Variants in CSTPP1 observed in about 807,000 individuals in gnomAD.
The protein encoded by CSTPP1 is centriolar satellite-associated tubulin polyglutamylase complex regulator 1, also known as UPF0705 protein C11orf49.
the CSTPP1 span, among the ~76,000 whole-genome samples, chr11:46,950,860 C>T: frequency 1.3e-5 from 2 of 152,174 alleles, no homozygotes; most frequent in Admixed American, 1.3e-4. Context: ...AACTCCTGAC[C>T]TCATGAGCCA....
At chr11:46,984,567 A>G in the CSTPP1 span, among the ~76,000 whole-genome samples, 1 of 147,452 alleles carries the variant, frequency 6.8e-6, no homozygotes, top group Non-Finnish European at 1.5e-5. Flanking sequence ...TATAAAGTCT[A>G]TTTTCTTGAA....
chr11:46,969,774 T>G, the CSTPP1 span, among the ~76,000 whole-genome samples: 1 of 151,292 alleles, frequency 6.6e-6, no homozygotes, highest in African/African-American at 2.4e-5. Flanking sequence ...AAACATAATG[T>G]TTTTTTTTGA....
At chr11:47,045,401 A>G in the CSTPP1 span, among the ~76,000 whole-genome samples, 2 of 152,252 alleles carry the variant, frequency 1.3e-5, no homozygotes, top group East Asian at 3.8e-4. Flanking sequence ...AACTTGACCT[A>G]AACTAGTTCA....
chr11:47,060,614 A>G, the CSTPP1 span, among the ~76,000 whole-genome samples: 2 of 152,164 alleles, frequency 1.3e-5, no homozygotes, highest in East Asian at 3.8e-4. Context: ...ACTAAAAAGC[A>G]TAAGAATGAT....
the CSTPP1 span, among the ~76,000 whole-genome samples, chr11:47,036,213 TAA>T: frequency 2.1e-5 from 1 of 48,660 alleles, no homozygotes; most frequent in Non-Finnish European, 4.6e-5. Context: ...TATATTATAT[TAA>T]TATATAATAT....
At chr11:47,074,481 C>T in the CSTPP1 span, among the ~76,000 whole-genome samples, 1 of 119,200 alleles carries the variant, frequency 8.4e-6, no homozygotes, top group Non-Finnish European at 1.7e-5. Flanking sequence ...GCCTGGGCAA[C>T]AGAGCAAGAT....
the CSTPP1 span, among the ~76,000 whole-genome samples, chr11:47,058,576 A>G: frequency 6.6e-6 from 1 of 152,234 alleles, no homozygotes; most frequent in African/African-American, 2.4e-5. Flanking sequence ...GAATTTCTAG[A>G]CATGAAAAAT....
the CSTPP1 span, among the ~76,000 whole-genome samples, chr11:46,950,995 A>G: frequency 6.6e-6 from 1 of 152,180 alleles, no homozygotes; most frequent in African/African-American, 2.4e-5. Context: ...AGGAGGACTG[A>G]AGGAGACAGC....
At chr11:46,972,989 C>A in the CSTPP1 span, among the ~76,000 whole-genome samples, 1 of 152,142 alleles carries the variant, frequency 6.6e-6, no homozygotes, top group Admixed American at 6.5e-5. Context: ...AACTGTGTGA[C>A]CTTGGGCAGT....
chr11:46,942,974 T>C, the CSTPP1 span, among the ~76,000 whole-genome samples: 1 of 152,220 alleles, frequency 6.6e-6, no homozygotes, highest in Non-Finnish European at 1.5e-5. Flanking sequence ...TAATTCTTGC[T>C]TCCTTATTAA....
the CSTPP1 span, among the ~76,000 whole-genome samples, chr11:46,968,115 T>C: frequency 6.6e-6 from 1 of 151,360 alleles, no homozygotes; most frequent in African/African-American, 2.4e-5. Flanking sequence ...GATTTGGCTG[T>C]TATCTCTCTT....
the CSTPP1 span, among the ~76,000 whole-genome samples, chr11:47,102,415 G>A: frequency 6.6e-6 from 1 of 151,766 alleles, no homozygotes; most frequent in South Asian, 2.1e-4. Context: ...CTTTTAAAAA[G>A]CCTCTAGAAT....
the CSTPP1 span, among the ~76,000 whole-genome samples, chr11:46,982,597 A>G: frequency 6.6e-6 from 1 of 152,070 alleles, no homozygotes; most frequent in African/African-American, 2.4e-5. Flanking sequence ...AAGAGAATAA[A>G]ATAAATAGTT....
the CSTPP1 span, among the ~76,000 whole-genome samples, chr11:47,138,871 C>T: frequency 5.5e-5 from 8 of 146,568 alleles, no homozygotes; most frequent in Admixed American, 4.9e-4. Context: ...CCCAGCTATT[C>T]GGGAGGTGGA....
chr11:46,943,251 G>T, the CSTPP1 span, among the ~76,000 whole-genome samples: 1 of 152,158 alleles, frequency 6.6e-6, no homozygotes, highest in Admixed American at 6.5e-5. Flanking sequence ...TACATATATT[G>T]ATGTATATGA....
chr11:47,005,252 T>C, the CSTPP1 span, among the ~76,000 whole-genome samples: 2 of 152,196 alleles, frequency 1.3e-5, no homozygotes, highest in South Asian at 4.1e-4. Context: ...GTAAGCCTGA[T>C]CACTAAAGCA....
the CSTPP1 span, among the ~76,000 whole-genome samples, chr11:47,072,750 T>C: frequency 5.9e-5 from 9 of 152,170 alleles, no homozygotes; most frequent in Non-Finnish European, 1.0e-4. Context: ...GACAAAATAA[T>C]TCATAGTCTG....
chr11:46,943,218 A>C, the CSTPP1 span, among the ~76,000 whole-genome samples: 1 of 152,258 alleles, frequency 6.6e-6, no homozygotes, highest in African/African-American at 2.4e-5. Flanking sequence ...CTTACTCTGT[A>C]CCAGGTACCA....
At chr11:47,024,234 A>G in the CSTPP1 span, among the ~76,000 whole-genome samples, 6 of 151,696 alleles carry the variant, frequency 4.0e-5, no homozygotes, top group Admixed American at 6.6e-5. Context: ...AAATGTTTAA[A>G]GATATTTTTC....
Sources: gnomAD v4.1 joint callset for allele counts (sites outside exome capture counted in the v4.1 genomes callset) on GRCh38, gnomAD v4.1.1 for gene constraint, MANE v1.5 for transcripts, NCBI Gene and HGNC (gene_info 2026-07-23, HGNC 2026-07-21) for gene names.